RANBP2: variants seen among roughly 807,000 people sequenced by gnomAD.
The protein encoded by RANBP2 is RAN binding protein 2, also known as E3 SUMO-protein ligase RanBP2.
In RANBP2, 57 loss-of-function variants were observed where a neutral mutation model predicts 303.6. The observed-to-expected ratio is 0.19, with a 90% CI of 0.15 to 0.23. The LOEUF is 0.23. Among genes scored for constraint, RANBP2 ranks in the 10% least tolerant of loss-of-function variants. RANBP2 has a pLI of 1.00. For missense variants in RANBP2, 3,138 were observed against 3,780.8 expected, an observed-to-expected ratio of 0.83 and a Z score of 4.46; for synonymous variants, 1,167 against 1,301.5, an observed-to-expected ratio of 0.90 and a Z score of 2.23.
chr2:109,040,871 C>G, the RANBP2 span, among the ~76,000 whole-genome samples: 129 of 152,140 alleles, frequency 8.5e-4, 1 homozygote, highest in Admixed American at 2.3e-3. Flanking sequence ...CTAGCTAACA[C>G]AGTGAAACCC....
the RANBP2 span, chr2:109,545,863 T>C: frequency 1.4e-6 from 2 of 1,446,402 alleles, no homozygotes; most frequent in Non-Finnish European, 1.8e-6. Flanking sequence ...TGCCAGGTGC[T>C]GTTCTGGATG....
chr2:109,504,176 G>A, the RANBP2 span: 2 of 152,212 alleles, frequency 1.3e-5, no homozygotes, highest in Non-Finnish European at 2.9e-5. Context: ...GCCTCAAAGG[G>A]TACACATGTT....
the RANBP2 span, among the ~76,000 whole-genome samples, chr2:109,412,485 C>T: frequency 1.9e-3 from 287 of 152,336 alleles, no homozygotes; most frequent in Non-Finnish European, 3.5e-3. Context: ...AGGACCAGTG[C>T]GTGCCTATCA....
the RANBP2 span, among the ~76,000 whole-genome samples, chr2:109,640,507 A>T: frequency 2.0e-5 from 3 of 152,178 alleles, no homozygotes; most frequent in African/African-American, 7.2e-5. Flanking sequence ...AGTCTCCTTT[A>T]ATATTTAATG....
In RANBP2 at chr2:108,763,301, T is replaced by G. The variant is rs560817931; in HGVS notation, c.2762T>G (p.Met921Arg). 5.0e-6 allele frequency: 8 copies of G among 1,613,964 alleles called. No homozygotes were observed. Among genetic ancestry groups the G allele is most frequent in the Admixed American group, 1.7e-5 (1 of 59,994 alleles). The change falls in exon 20 of 29, where the codon ATG (methionine) becomes AGG (arginine). Residue 921 changes from methionine (M) to arginine (R), a missense_variant. This residue lies in a region of RANBP2 where 403 missense variants were observed against 376.7 expected (regional missense o/e 1.07). Coordinates refer to ENST00000283195, the MANE Select transcript of RANBP2 (RefSeq NM_006267.5). Reference sequence around the variant, plus strand: ...CATATTTATGCCTATCCGCAACAGATGCACACACCGCCAGTGCAAAGCTCA... The same window carrying G: ...CATATTTATGCCTATCCGCAACAGAGGCACACACCGCCAGTGCAAAGCTCA... ...QQHIYAYPQQ[M>R]HTPPVQSSSA...
the RANBP2 span, among the ~76,000 whole-genome samples, chr2:108,822,627 C>T: frequency 1.3e-5 from 2 of 152,124 alleles, no homozygotes; most frequent in Non-Finnish European, 2.9e-5. Context: ...TGAAGTGAAA[C>T]CTCAAACCAA....
chr2:109,099,408 G>T, the RANBP2 span, among the ~76,000 whole-genome samples: 1 of 152,158 alleles, frequency 6.6e-6, no homozygotes, highest in African/African-American at 2.4e-5. Flanking sequence ...GGGAATGCTG[G>T]TCAGTTGTTG....
chr2:108,939,674 T>C, the RANBP2 span, among the ~76,000 whole-genome samples: 1 of 152,186 alleles, frequency 6.6e-6, no homozygotes. Context: ...CTCTCAGCAA[T>C]AGATGAATGA....
the RANBP2 span, among the ~76,000 whole-genome samples, chr2:109,087,068 C>G: frequency 6.6e-6 from 1 of 152,154 alleles, no homozygotes; most frequent in Non-Finnish European, 1.5e-5. Context: ...GACAGGGGAC[C>G]CCCTGAAGAC....
chr2:109,404,688 G>A, the RANBP2 span, among the ~76,000 whole-genome samples: 1 of 152,130 alleles, frequency 6.6e-6, no homozygotes, highest in Non-Finnish European at 1.5e-5. Context: ...CCCCCTCCCA[G>A]CACCTTTGCG....
chr2:109,078,096 A>ATATATATATATATATAGCGTG, the RANBP2 span, among the ~76,000 whole-genome samples: 13 of 54,634 alleles, frequency 2.4e-4, no homozygotes, highest in South Asian at 4.5e-3. Context: ...ATATATATAT[A>ATATATATATATATATAGCGTG]TATATATATA....
At chr2:109,109,994 A>G in the RANBP2 span, among the ~76,000 whole-genome samples, 1 of 152,096 alleles carries the variant, frequency 6.6e-6, no homozygotes, top group Non-Finnish European at 1.5e-5. Flanking sequence ...ATAGGAGACA[A>G]TCACTTCTGG....
the RANBP2 span, chr2:108,930,942 G>T: frequency 5.0e-6 from 8 of 1,613,652 alleles, no homozygotes; most frequent in South Asian, 8.8e-5. Context: ...TGCTGTGGGG[G>T]TAAGGGGCTC....
At chr2:109,650,653 C>G in the RANBP2 span, among the ~76,000 whole-genome samples, 1 of 152,108 alleles carries the variant, frequency 6.6e-6, no homozygotes, top group Non-Finnish European at 1.5e-5. Flanking sequence ...GAATCATGGG[C>G]GGAGCTTCCT....
At chr2:109,496,565 G>T in the RANBP2 span, among the ~76,000 whole-genome samples, 4 of 152,222 alleles carry the variant, frequency 2.6e-5, no homozygotes, top group African/African-American at 4.8e-5. Context: ...GCACGGCCTG[G>T]CCGACTCCTG....
the RANBP2 span, among the ~76,000 whole-genome samples, chr2:109,012,119 A>C: frequency 6.6e-6 from 1 of 152,224 alleles, no homozygotes; most frequent in African/African-American, 2.4e-5. Flanking sequence ...GCGGAAGATT[A>C]AAAATCTCTT....
At chr2:109,432,312 C>T in the RANBP2 span, among the ~76,000 whole-genome samples, 1 of 152,140 alleles carries the variant, frequency 6.6e-6, no homozygotes, top group Non-Finnish European at 1.5e-5. Context: ...CTCCCTGCCT[C>T]GTGGGTTTGT....
At chr2:109,489,772 C>CT in the RANBP2 span, among the ~76,000 whole-genome samples, 1 of 152,092 alleles carries the variant, frequency 6.6e-6, no homozygotes, top group South Asian at 2.1e-4. Context: ...GAGTCTCGCT[C>CT]TGTCACCCAG....
the RANBP2 span, among the ~76,000 whole-genome samples, chr2:109,184,831 G>A: frequency 1.3e-5 from 2 of 152,250 alleles, no homozygotes; most frequent in East Asian, 1.9e-4. Context: ...AGGCAGTTAC[G>A]TGGTTGTCCA....
Sources: gnomAD v4.1 joint callset for allele counts (sites outside exome capture counted in the v4.1 genomes callset) on GRCh38, gnomAD v4.1.1 for gene constraint, gnomAD v4.1.1 regional missense constraint, MANE v1.5 for transcripts, NCBI Gene and HGNC (gene_info 2026-07-23, HGNC 2026-07-21) for gene names.